PRRC2C: variants seen among roughly 807,000 people sequenced by gnomAD.
PRRC2C encodes the protein protein PRRC2C.
In PRRC2C, 72 loss-of-function variants were observed where a neutral mutation model predicts 317.2. The observed-to-expected ratio is 0.23, with a 90% CI of 0.19 to 0.28. The LOEUF (loss-of-function observed/expected upper bound fraction) is 0.28, where lower values mean the gene tolerates loss of function less well. PRRC2C is among the 10% of genes least tolerant of loss of function. The pLI is 1.00. For missense variants in PRRC2C, 3,074 were observed against 3,459.7 expected (o/e 0.89, Z 2.80); for synonymous variants, 1,296 against 1,205.9 (o/e 1.07, Z -1.55).
At chr1:171,526,088 G>T (rs1171790097) in intron 10 of PRRC2C, among the ~76,000 whole-genome samples, 2 of 152,150 alleles carry the variant, frequency 1.3e-5, no homozygotes, top group African/African-American at 2.4e-5. Context: ...AAGAATAGAG[G>T]AATAGATGGA....
chr1:171,584,382 C>T (rs1227195973), intron 29 of PRRC2C, 37 bp from the exon 30 acceptor site: 3 of 1,501,480 alleles, frequency 2.0e-6, no homozygotes, highest in Admixed American at 2.5e-5. Flanking sequence ...AAATTTTTTT[C>T]AGTCTTACTC....
chr1:171,486,196 C>A (rs1666061115), intron 1 of PRRC2C, among the ~76,000 whole-genome samples: 1 of 149,058 alleles, frequency 6.7e-6, no homozygotes. Context: ...TCTACCTCTT[C>A]CTGTGTAGTG....
chr1:171,502,800 T>G (rs981688643), intron 1 of PRRC2C, among the ~76,000 whole-genome samples: 1 of 152,194 alleles, frequency 6.6e-6, no homozygotes, highest in Non-Finnish European at 1.5e-5. Context: ...CTTGGCTCAC[T>G]GCAACCTCCA....
At chr1:171,544,395 A>G (rs976862801) in intron 16 of PRRC2C, among the ~76,000 whole-genome samples, 18 of 152,262 alleles carry the variant, frequency 1.2e-4, no homozygotes, top group African/African-American at 3.9e-4. Flanking sequence ...AAGTGCTGGG[A>G]TTACAGGTGT....
At chr1:171,518,494 ATTT>A (rs149358002) in intron 6 of PRRC2C, among the ~76,000 whole-genome samples, 2 of 72,578 alleles carry the variant, frequency 2.8e-5, no homozygotes, top group African/African-American at 9.1e-5. Context: ...TTTTTTTTCA[ATTT>A]TTTTTTTTTT....
At chr1:171,579,720 A>G in intron 27 of PRRC2C, 108 bp from the exon 28 acceptor site, 4 of 1,332,498 alleles carry the variant, frequency 3.0e-6, no homozygotes, top group South Asian at 1.7e-5. Flanking sequence ...GCTGATATAT[A>G]GTATTAATTT....
At position 171,579,434 on chromosome 1, in the gene PRRC2C, C is replaced by G. The variant is rs1369758827; in HGVS notation, c.7240C>G (p.Gln2414Glu). 6.8e-6 allele frequency: 11 copies of G among 1,613,702 alleles called. No homozygotes were observed. The highest frequency in any genetic ancestry group is 9.3e-6 in the Non-Finnish European group (11 of 1,179,884). Residue 2414 changes from glutamine (Q) to glutamate (E), a missense_variant, in exon 27 of 35, where the codon CAA becomes GAA. Coordinates refer to ENST00000647382, the MANE Select transcript of PRRC2C (RefSeq NM_001387844.1). ...ACGATTGGCTCCGCCATCCTTGGCT[C>G]AACAACAGGGTTTCCAACCAGGTCT... is the stretch of plus-strand genomic sequence containing the variant. ...HARLAPPSLA[Q>E]QQGFQPGLSQ...
At chr1:171,518,976 A>G (rs1000980609) in intron 6 of PRRC2C, among the ~76,000 whole-genome samples, 44 of 150,424 alleles carry the variant, frequency 2.9e-4, no homozygotes, top group African/African-American at 9.8e-4. Context: ...TCTGCCTCCT[A>G]GGTTCAAGCA....
chr1:171,512,234 T>C, intron 2 of PRRC2C, 34 bp downstream of exon 2: 2 of 1,407,978 alleles, frequency 1.4e-6, no homozygotes, highest in South Asian at 1.2e-5. Flanking sequence ...ATGTTTTTCA[T>C]GGTTTGTTTT....
chr1:171,515,594 A>G, intron 4 of PRRC2C, 140 bp from the exon 5 acceptor site: 1 of 683,814 alleles, frequency 1.5e-6, no homozygotes, highest in Non-Finnish European at 2.3e-6. Context: ...TGAATTTTAA[A>G]GTGATATGGC....
At chr1:171,556,628 C>T (rs1322465872) in intron 18 of PRRC2C, among the ~76,000 whole-genome samples, 1 of 152,170 alleles carries the variant, frequency 6.6e-6, no homozygotes, top group African/African-American at 2.4e-5. Context: ...ACCTTATTTG[C>T]CCCAAGGCAA....
chr1:171,526,859 A>C (rs941084677), intron 10 of PRRC2C, among the ~76,000 whole-genome samples: 5 of 111,332 alleles, frequency 4.5e-5, no homozygotes, highest in African/African-American at 1.8e-4. Context: ...CCCAGGCTGT[A>C]ATGCAGTGGC....
chr1:171,541,119 G>C lies in PRRC2C; in HGVS notation c.3653G>C (p.Arg1218Pro). ...GGCAGGGGTGGTAGGGGACACACTCGAGATTATCCTCAGTATAGAGACAAT... is the reference window on the plus strand; with the variant it reads ...GGCAGGGGTGGTAGGGGACACACTCCAGATTATCCTCAGTATAGAGACAAT... Reference protein sequence around the residue: ...GRGRGGRGHTRDYPQYRDNKP... With the variant: ...GRGRGGRGHTPDYPQYRDNKP... The change falls in exon 16 of 35, where the codon CGA (arginine) becomes CCA (proline). Residue 1218 changes from arginine to proline, a missense_variant. Coordinates refer to ENST00000647382, the MANE Select transcript of PRRC2C (RefSeq NM_001387844.1). This position sits in a 1 kb window ranked among gnomAD's most constrained non-coding sequence, Gnocchi z 4.1. 1 of 1,613,836 alleles carries C rather than the reference G, an allele frequency of 6.2e-7. No individual in the cohort carries two copies. The highest frequency in any genetic ancestry group is 8.5e-7 in the Non-Finnish European group (1 of 1,179,856).
At chr1:171,508,855 C>T (rs1223632690) in intron 1 of PRRC2C, among the ~76,000 whole-genome samples, 2 of 152,046 alleles carry the variant, frequency 1.3e-5, no homozygotes, top group Non-Finnish European at 2.9e-5. Context: ...TTATTTTCTT[C>T]ACTGACCATC....
Position 171,512,119 on chromosome 1 carries a change from G to A in PRRC2C, c.31G>A (p.Ala11Thr). 3.2e-6 allele frequency: 5 copies of A among 1,577,120 alleles called. No homozygotes were observed. The change falls in exon 2 of 35, where the codon GCA (alanine) becomes ACA (threonine). Residue 11 changes from alanine to threonine, a missense_variant. Coordinates refer to ENST00000647382, the MANE Select transcript of PRRC2C (RefSeq NM_001387844.1). MSEKSGQSTKAKDGKKYATLS... is the reference protein window; with the variant it reads MSEKSGQSTKTKDGKKYATLS... ...GGAGAAGTCAGGCCAGAGCACAAAA[G>A]CAAAGGATGGGAAAAAGTATGCAAC...
chr1:171,543,281 C>G (rs924538747), intron 16 of PRRC2C, among the ~76,000 whole-genome samples: 2 of 151,008 alleles, frequency 1.3e-5, no homozygotes, highest in African/African-American at 4.9e-5. Flanking sequence ...CGAGATTGTG[C>G]CACTGCATTC....
At position 171,524,978 on chromosome 1, in the gene PRRC2C, CATGGAGATCCTTGTTATTGCAAGG is replaced by C. The variant is rs772718528; in HGVS notation, c.1200+16_1200+39del. The C allele has an allele frequency of 3.2e-6, 5 of 1,569,082 alleles. No homozygotes were observed. Among genetic ancestry groups the C allele is most frequent in the Non-Finnish European group, 4.3e-6 (5 of 1,155,202 alleles). On this transcript the variant is annotated intron_variant, in intron 10 of 34. Coordinates refer to ENST00000647382, the MANE Select transcript of PRRC2C (RefSeq NM_001387844.1). ...TTCATTTAATCAGGTTTGTTGGACT[CATGGAGATCCTTGTTATTGCAAGG>C]ATCTCCTTATTGTAATTACTGTGTA...
chr1:171,579,470 A>C lies in PRRC2C; in HGVS notation c.7272+4A>C. ...TTTCCAACCAGGTCTCTCTCAGGTA[A>C]TATCAAAGACTTCTTCCATCCTGTA... On this transcript the variant is annotated splice_donor_region_variant and intron_variant, in intron 27 of 34. Coordinates refer to ENST00000647382, the MANE Select transcript of PRRC2C (RefSeq NM_001387844.1). 6.2e-7 allele frequency: 1 copy of C among 1,612,926 alleles called. No individual in the cohort carries two copies. The highest frequency in any genetic ancestry group is 1.1e-5 in the South Asian group (1 of 91,046).
intron 26 of PRRC2C, 35 bp downstream of exon 26, chr1:171,577,672 A>C: frequency 6.4e-7 from 1 of 1,565,656 alleles, no homozygotes; most frequent in Non-Finnish European, 8.8e-7. Flanking sequence ...AGGAATTTAG[A>C]AAATGAAGAC....
Sources: allele counts gnomAD v4.1 joint callset (sites outside exome capture counted in the v4.1 genomes callset), GRCh38; gene constraint gnomAD v4.1.1; non-coding constraint Gnocchi (gnomAD v3.1); transcripts MANE v1.5; gene names NCBI Gene and HGNC (gene_info 2026-07-23, HGNC 2026-07-21).